The following PCCA variants were observed in gnomAD, a reference collection of about 807,000 sequenced individuals.
PCCA encodes propionyl-CoA carboxylase alpha chain, mitochondrial.
Under a neutral mutation model 101.3 loss-of-function variants are expected in PCCA, and 74 were observed. The observed-to-expected ratio is 0.73, with a 90% CI of 0.61 to 0.89. The LOEUF (loss-of-function observed/expected upper bound fraction) is 0.89, where lower values mean the gene tolerates loss of function less well. Among genes scored for constraint, PCCA ranks in the 40% least tolerant of loss-of-function variants. PCCA has a pLI of 0.00. For synonymous variants in PCCA, 294 were observed against 313.6 expected (o/e 0.94, Z 0.66); for missense variants, 891 against 907.0 (o/e 0.98, Z 0.23).
chr13:100,204,188 G>A (rs550624988), intron 6 of PCCA, among the ~76,000 whole-genome samples: 28 of 151,444 alleles, frequency 1.8e-4, no homozygotes, highest in Admixed American at 1.1e-3. Context: ...GGAGTGCAGC[G>A]GTGCAGTCTC....
At chr13:100,396,682 A>G (rs114680113) in intron 19 of PCCA, among the ~76,000 whole-genome samples, 5,218 of 152,342 alleles carry the variant, frequency 0.034, 299 homozygotes, top group African/African-American at 0.12. Context: ...ATGTGCCAAC[A>G]TATATTAGCA....
At chr13:100,342,855 A>C (rs1398386935) in intron 18 of PCCA, among the ~76,000 whole-genome samples, 1 of 151,656 alleles carries the variant, frequency 6.6e-6, no homozygotes, top group Non-Finnish European at 1.5e-5. Flanking sequence ...CCTGGTAGCC[A>C]GGATTACAGG....
chr13:100,419,185 A>G (rs973039223), intron 19 of PCCA, among the ~76,000 whole-genome samples: 3 of 151,914 alleles, frequency 2.0e-5, no homozygotes, highest in Non-Finnish European at 2.9e-5. Flanking sequence ...GAGGCTATAG[A>G]AATTGGCTGG....
chr13:100,345,275 G>T (rs1169627294), intron 18 of PCCA, among the ~76,000 whole-genome samples: 7 of 152,148 alleles, frequency 4.6e-5, no homozygotes, highest in Non-Finnish European at 1.0e-4. Context: ...TGAATGCAAA[G>T]GAAAAGTTCT....
chr13:100,447,037 C>A lies in PCCA; in HGVS notation c.1846-2215C>A, dbSNP rs549660531. On this transcript the variant is annotated intron_variant, in intron 20 of 23. Coordinates refer to ENST00000376285, the MANE Select transcript of PCCA (RefSeq NM_000282.4). The stretch of plus-strand genomic sequence containing the variant: ...TATAAACTACACTGTGATATTTGTT[C>A]AGCTTTATTTTTCTGCCTATCCTTA... 2.5e-3 allele frequency among the ~76,000 whole-genome samples: 377 copies of A among 152,240 alleles called. 4 individuals are homozygous for A. The highest frequency in any genetic ancestry group is 8.8e-3 in the African/African-American group (364 of 41,558).
chr13:100,197,911 TA>T (rs1054613966), intron 6 of PCCA, among the ~76,000 whole-genome samples: 1 of 151,804 alleles, frequency 6.6e-6, no homozygotes, highest in African/African-American at 2.4e-5. Context: ...GTTTTCCAAT[TA>T]AAAAAAATAA....
At chr13:100,347,065 C>T (rs1050116433) in intron 18 of PCCA, among the ~76,000 whole-genome samples, 25 of 152,140 alleles carry the variant, frequency 1.6e-4, no homozygotes, top group African/African-American at 4.6e-4. Context: ...TTAGTAGAGA[C>T]GGGGTTTCAC....
chr13:100,311,345 T>C (rs1201323544), intron 16 of PCCA, among the ~76,000 whole-genome samples: 2 of 152,212 alleles, frequency 1.3e-5, no homozygotes, highest in Non-Finnish European at 2.9e-5. Context: ...AGTCTCTGCC[T>C]TATAAATTAC....
In PCCA at chr13:100,089,126, G is replaced by T; in HGVS notation, c.6G>T (p.Ala2=). 1 of 1,503,790 alleles carries T rather than the reference G, an allele frequency of 6.6e-7. No individual in the cohort carries two copies. Among genetic ancestry groups the T allele is most frequent in the Non-Finnish European group, 8.9e-7 (1 of 1,123,390 alleles). 93.2% of individuals were successfully genotyped at this position (1,503,790 alleles called of 1,614,324 possible). A position where few individuals can be genotyped will look rare whatever the true frequency, so the allele number is the denominator to read the frequency against. M[A]GFWVGTAPLV... ...GGCGGTCTGCGGGGACAACAATGGC[G>T]GGGTTCTGGGTCGGGACAGCACCGC... The change falls in exon 1 of 24, where the codon GCG becomes GCT. Residue 2 remains alanine, a synonymous_variant. Transcript: ENST00000376285.
chr13:100,460,891 G>T (rs1268626784), intron 21 of PCCA, among the ~76,000 whole-genome samples: 1 of 152,110 alleles, frequency 6.6e-6, no homozygotes, highest in African/African-American at 2.4e-5. Flanking sequence ...TAGCAGGAAG[G>T]TATGTAAATA....
intron 18 of PCCA, among the ~76,000 whole-genome samples, chr13:100,349,271 GCA>G: frequency 6.6e-6 from 1 of 152,224 alleles, no homozygotes; most frequent in East Asian, 1.9e-4. Flanking sequence ...TTACAGGCGT[GCA>G]CCACCATGCC....
intron 20 of PCCA, among the ~76,000 whole-genome samples, chr13:100,441,552 CAA>C (rs1287648539): frequency 6.6e-6 from 1 of 152,098 alleles, no homozygotes; most frequent in African/African-American, 2.4e-5. Flanking sequence ...ATTTTGTTAA[CAA>C]AATCTTCTAA....
intron 19 of PCCA, among the ~76,000 whole-genome samples, chr13:100,416,194 T>A (rs188206930): frequency 6.6e-6 from 1 of 152,056 alleles, no homozygotes; most frequent in African/African-American, 2.4e-5. Flanking sequence ...ATCATGGTTT[T>A]TTTTTTTTTT....
chr13:100,252,627 G>C (rs1052154649), intron 8 of PCCA, among the ~76,000 whole-genome samples: 1 of 152,094 alleles, frequency 6.6e-6, no homozygotes, highest in Non-Finnish European at 1.5e-5. Context: ...GTTATTTATT[G>C]TGTCTTGAGT....
chr13:100,323,662 C>T (rs1390780136), intron 16 of PCCA, among the ~76,000 whole-genome samples: 2 of 152,132 alleles, frequency 1.3e-5, no homozygotes, highest in Admixed American at 1.3e-4. Flanking sequence ...TTAGGTAGGT[C>T]AGTGCTGAAG....
chr13:100,337,228 T>C (rs1451153935), intron 17 of PCCA, among the ~76,000 whole-genome samples: 1 of 152,054 alleles, frequency 6.6e-6, no homozygotes, highest in Non-Finnish European at 1.5e-5. Flanking sequence ...CATTCCCAGC[T>C]CCCCTCATGG....
intron 12 of PCCA, among the ~76,000 whole-genome samples, chr13:100,286,076 G>C (rs1408385271): frequency 6.6e-6 from 1 of 152,092 alleles, no homozygotes; most frequent in African/African-American, 2.4e-5. Flanking sequence ...ATACCCCTCT[G>C]CATGTGTGTG....
chr13:100,124,738 G>A (rs1038110708), intron 4 of PCCA, among the ~76,000 whole-genome samples: 1 of 151,718 alleles, frequency 6.6e-6, no homozygotes, highest in Admixed American at 6.6e-5. Context: ...AAGACCTTAG[G>A]GTTAAACTTT....
At chr13:100,257,347 C>T (rs564057506) in intron 8 of PCCA, among the ~76,000 whole-genome samples, 1 of 150,028 alleles carries the variant, frequency 6.7e-6, no homozygotes, top group African/African-American at 2.4e-5. Flanking sequence ...GCTTTTATTA[C>T]TGGGGAAAGT....
Sources: allele counts gnomAD v4.1 joint callset (sites outside exome capture counted in the v4.1 genomes callset), GRCh38; gene constraint gnomAD v4.1.1; transcripts MANE v1.5; gene names NCBI Gene and HGNC (gene_info 2026-07-23, HGNC 2026-07-21).